Variants in NCKAP5 observed in about 807,000 individuals in gnomAD.
NCKAP5 encodes the protein NCK associated protein 5, also known as nck-associated protein 5.
Under a neutral mutation model 167.0 loss-of-function variants are expected in NCKAP5, and 92 were observed. That is an observed-to-expected ratio of 0.55 (90% CI 0.47 to 0.66). The LOEUF (loss-of-function observed/expected upper bound fraction) is 0.66, where lower values mean the gene tolerates loss of function less well. Among genes scored for constraint, NCKAP5 ranks in the 30% least tolerant of loss-of-function variants. The pLI, the probability that NCKAP5 is intolerant of heterozygous loss-of-function variation, is 0.00. For synonymous variants in NCKAP5, 891 were observed against 877.4 expected, an observed-to-expected ratio of 1.02 and a Z score of -0.27; for missense variants, 2,378 against 2,315.0, an observed-to-expected ratio of 1.03 and a Z score of -0.56.
intron 6 of NCKAP5, among the ~76,000 whole-genome samples, chr2:133,112,697 G>C (rs1025748306): frequency 2.6e-5 from 4 of 152,200 alleles, no homozygotes; most frequent in Non-Finnish European, 5.9e-5. Context: ...GTAAGACTCA[G>C]AAGTATTGGA....
chr2:133,152,593 T>C (rs1244184431), intron 5 of NCKAP5, among the ~76,000 whole-genome samples: 1 of 152,106 alleles, frequency 6.6e-6, no homozygotes, highest in Non-Finnish European at 1.5e-5. Context: ...TGCAATGAAA[T>C]ATTATTCAGT....
intron 16 of NCKAP5, among the ~76,000 whole-genome samples, chr2:132,735,177 A>T (rs984521): frequency 0.22 from 33,115 of 152,098 alleles, 3,915 homozygotes; most frequent in Non-Finnish European, 0.28. Flanking sequence ...TCTCGCCAGG[A>T]TTTTTTTTAG....
chr2:133,156,600 T>C (rs1266405929), intron 5 of NCKAP5, among the ~76,000 whole-genome samples: 1 of 152,198 alleles, frequency 6.6e-6, no homozygotes, highest in East Asian at 1.9e-4. Context: ...ACTGCTAACA[T>C]ACTGAGTATT....
Position 132,862,773 on chromosome 2 carries a change from A to AG in NCKAP5, c.688-2163_688-2162insC, listed in dbSNP as rs1402560208. Among the ~76,000 whole-genome samples the AG allele has an allele frequency of 2.2e-5, 3 of 138,758 alleles. No individual in the cohort carries two copies. In the East Asian group the frequency reaches 7.4e-4, roughly 34 times the overall value. 91.0% of individuals were successfully genotyped at this position (138,758 alleles called of 152,430 possible). On this transcript the variant is annotated intron_variant, in intron 10 of 19. Transcript: ENST00000409261. ...TCAAAAAAACCCAGTCTCAAAAAAA[A>AG]AAAAACCAAAAAAAAACAAAGGTGA...
Position 133,041,307 on chromosome 2 carries a change from G to A in NCKAP5, c.342-47068C>T, listed in dbSNP as rs151034115. ...TGACCTGGAAGTGAAAAATAAGCAT[G>A]TCTTCTCTCTACAGGAAATCACAAA... On this transcript the variant is annotated intron_variant, in intron 6 of 19. Transcript: ENST00000409261. Among the ~76,000 whole-genome samples, 5 of 152,216 alleles carry A rather than the reference G, an allele frequency of 3.3e-5. No homozygotes were observed. The East Asian group carries it at 9.7e-4, about 29-fold the overall frequency.
intron 3 of NCKAP5, among the ~76,000 whole-genome samples, chr2:133,474,589 T>C (rs1679710826): frequency 1.3e-5 from 2 of 152,238 alleles, no homozygotes; most frequent in South Asian, 2.1e-4. Flanking sequence ...GCAATGCATA[T>C]GTTAATTAGT....
intron 3 of NCKAP5, among the ~76,000 whole-genome samples, chr2:133,493,232 G>A (rs1248296926): frequency 6.6e-6 from 1 of 152,180 alleles, no homozygotes; most frequent in Non-Finnish European, 1.5e-5. Flanking sequence ...ACACTTCAGT[G>A]TGTTTTAGAG....
chr2:132,939,908 G>A (rs1697164387), intron 8 of NCKAP5, among the ~76,000 whole-genome samples: 1 of 152,166 alleles, frequency 6.6e-6, no homozygotes, highest in African/African-American at 2.4e-5. Flanking sequence ...GCTGAGGCAG[G>A]AGAATCACTT....
At chr2:132,862,529 G>T (rs1282935612) in intron 10 of NCKAP5, among the ~76,000 whole-genome samples, 1 of 152,150 alleles carries the variant, frequency 6.6e-6, no homozygotes, top group Non-Finnish European at 1.5e-5. Context: ...AGAGGCCATT[G>T]TGAGGACCCA....
intron 3 of NCKAP5, among the ~76,000 whole-genome samples, chr2:133,324,650 T>G (rs961361829): frequency 6.6e-6 from 1 of 152,232 alleles, no homozygotes; most frequent in Non-Finnish European, 1.5e-5. Context: ...GAGTCACACA[T>G]GAGCACCAGT....
At chr2:133,467,112 T>A (rs1476188852) in intron 3 of NCKAP5, among the ~76,000 whole-genome samples, 1 of 151,918 alleles carries the variant, frequency 6.6e-6, no homozygotes, top group African/African-American at 2.4e-5. Context: ...ATGCTTCCAG[T>A]TTTTGCCCAT....
chr2:133,510,530 C>T (rs1177550978), intron 3 of NCKAP5, among the ~76,000 whole-genome samples: 2 of 152,194 alleles, frequency 1.3e-5, no homozygotes. Flanking sequence ...ATAAGTCTCC[C>T]CTTCCCACCT....
At chr2:132,895,440 G>A (rs986229838) in intron 8 of NCKAP5, among the ~76,000 whole-genome samples, 2 of 151,594 alleles carry the variant, frequency 1.3e-5, no homozygotes, top group Non-Finnish European at 2.9e-5. Flanking sequence ...ATCATTCTTT[G>A]CAGAAACAAT....
intron 8 of NCKAP5, among the ~76,000 whole-genome samples, chr2:132,943,521 C>T (rs939415660): frequency 6.6e-6 from 1 of 152,210 alleles, no homozygotes; most frequent in African/African-American, 2.4e-5. Flanking sequence ...TCTGCCCAAA[C>T]CCCTCTTTAC....
intron 5 of NCKAP5, among the ~76,000 whole-genome samples, chr2:133,186,492 C>T (rs1403127320): frequency 6.6e-6 from 1 of 151,886 alleles, no homozygotes; most frequent in African/African-American, 2.4e-5. Flanking sequence ...GGAGAAGCCC[C>T]TGCTCCTCAA....
At position 132,834,582 on chromosome 2, in the gene NCKAP5, T is replaced by A. The variant is rs139367216; in HGVS notation, c.807+25910A>T. On this transcript the variant is annotated intron_variant, in intron 11 of 19. Coordinates refer to ENST00000409261, the MANE Select transcript of NCKAP5 (RefSeq NM_207363.3). ...GGATGGTCTTGATCTCCTGACCTTG[T>A]GATCTACCGACCTCGGCCTCCCAAA... 2.2e-3 allele frequency among the ~76,000 whole-genome samples: 337 copies of A among 152,300 alleles called. 2 individuals carry two copies. Among genetic ancestry groups the A allele is most frequent in the African/African-American group, 7.6e-3 (316 of 41,576 alleles).
At chr2:133,103,301 AG>A (rs1486026445) in intron 6 of NCKAP5, among the ~76,000 whole-genome samples, 2 of 152,178 alleles carry the variant, frequency 1.3e-5, no homozygotes, top group African/African-American at 4.8e-5. Context: ...TTAAGAATGA[AG>A]GCTCTGAACA....
chr2:132,723,974 C>G (rs532398381), intron 19 of NCKAP5, among the ~76,000 whole-genome samples: 1 of 152,270 alleles, frequency 6.6e-6, no homozygotes, highest in East Asian at 1.9e-4. Context: ...GGTTCTGGCC[C>G]CTTCTCATTT....
At chr2:133,030,658 A>G (rs1180937955) in intron 6 of NCKAP5, among the ~76,000 whole-genome samples, 2 of 152,200 alleles carry the variant, frequency 1.3e-5, no homozygotes, top group Non-Finnish European at 2.9e-5. Context: ...TATTGCAAAT[A>G]TTATTTTTTA....
Sources: gnomAD v4.1 joint callset for allele counts (sites outside exome capture counted in the v4.1 genomes callset) on GRCh38, gnomAD v4.1.1 for gene constraint, MANE v1.5 for transcripts, NCBI Gene and HGNC (gene_info 2026-07-23, HGNC 2026-07-21) for gene names.